BCL11B: variants seen among roughly 807,000 people sequenced by gnomAD.
BCL11B encodes B-cell lymphoma/leukemia 11B.
Under a neutral mutation model 49.9 loss-of-function variants are expected in BCL11B, and 8 were observed. The observed-to-expected ratio is 0.16, with a 90% confidence interval of 0.09 to 0.29. The LOEUF is 0.29. Among genes scored for constraint, BCL11B ranks in the 10% least tolerant of loss-of-function variants. The pLI is 1.00. For synonymous variants in BCL11B, 739 were observed against 637.4 expected, an observed-to-expected ratio of 1.16 and a Z score of -2.40; for missense variants, 1,006 against 1,351.0, an observed-to-expected ratio of 0.74 and a Z score of 4.00.
intron 3 of BCL11B, among the ~76,000 whole-genome samples, chr14:99,180,255 C>T (rs181661030): frequency 6.6e-6 from 1 of 152,238 alleles, no homozygotes; most frequent in Admixed American, 6.5e-5. Flanking sequence ...TACCCAGCAA[C>T]ATCAAACCTG....
chr14:99,196,296 C>T (rs1011824415), intron 3 of BCL11B, among the ~76,000 whole-genome samples: 2 of 152,092 alleles, frequency 1.3e-5, no homozygotes, highest in East Asian at 1.9e-4. Context: ...TTCCTCCACA[C>T]GAGTGAGGAC....
intron 3 of BCL11B, among the ~76,000 whole-genome samples, chr14:99,189,815 T>C (rs540817742): frequency 1.2e-4 from 18 of 152,270 alleles, no homozygotes; most frequent in African/African-American, 4.3e-4. Context: ...GCCCACACTG[T>C]GTGGGAGCAC....
At chr14:99,203,736 G>A (rs965936209) in intron 3 of BCL11B, among the ~76,000 whole-genome samples, 1 of 152,176 alleles carries the variant, frequency 6.6e-6, no homozygotes, top group Non-Finnish European at 1.5e-5. Context: ...AGAGGACGTG[G>A]TTATGAAGGG....
chr14:99,239,580 C>T (rs890502479), intron 2 of BCL11B, among the ~76,000 whole-genome samples: 22 of 152,250 alleles, frequency 1.4e-4, no homozygotes, highest in Middle Eastern at 3.4e-3. Context: ...ACATGTCACA[C>T]AAGGCAAAAA....
At position 99,231,065 on chromosome 14, in the gene BCL11B, G is replaced by C. The variant is rs929496873; in HGVS notation, c.640+280C>G. ...TTAAGTGTTATCCAATTAAGCTGTC[G>C]CTAAACAACCCAAAGAAGCGGGATT... On this transcript the variant is annotated intron_variant, in intron 3 of 3. Coordinates refer to ENST00000357195, the MANE Select transcript of BCL11B (RefSeq NM_138576.4). This position sits in a 1 kb window ranked among gnomAD's most constrained non-coding sequence, Gnocchi z 8.1. 6.6e-6 allele frequency among the ~76,000 whole-genome samples: 1 copy of C among 152,186 alleles called. No homozygotes were observed. Among genetic ancestry groups the C allele is most frequent in the Non-Finnish European group, 1.5e-5 (1 of 68,036 alleles).
chr14:99,194,228 C>G lies in BCL11B; in HGVS notation c.641-18033G>C, dbSNP rs1307811111. Among the ~76,000 whole-genome samples, 2 of 152,148 alleles carry G rather than the reference C, an allele frequency of 1.3e-5. No individual in the cohort carries two copies. Among genetic ancestry groups the G allele is most frequent in the East Asian group, 3.9e-4 (2 of 5,186 alleles). On this transcript the variant is annotated intron_variant, in intron 3 of 3. Transcript: ENST00000357195. The surrounding 1 kb of genome is among the most constrained non-coding windows in gnomAD (Gnocchi z 4.6). ...GTCCTCCCTCCTCACAGCCCCAGCA[C>G]AGAGCAAGTGCTGCTGGCCCCGGAC...
At chr14:99,216,850 T>TAC (rs754518471) in intron 3 of BCL11B, among the ~76,000 whole-genome samples, 35 of 151,788 alleles carry the variant, frequency 2.3e-4, no homozygotes, top group Admixed American at 2.0e-3. Flanking sequence ...AAAACACTCA[T>TAC]ACACACACAC....
chr14:99,207,444 G>A (rs900681140), intron 3 of BCL11B, among the ~76,000 whole-genome samples: 16 of 152,144 alleles, frequency 1.1e-4, no homozygotes, highest in African/African-American at 3.9e-4. Flanking sequence ...CCATGAAGCT[G>A]AGGGAGCTTT....
chr14:99,174,169 C>T lies in BCL11B; in HGVS notation c.2667G>A (p.Glu889=). 1.2e-6 allele frequency: 2 copies of T among 1,613,012 alleles called. No homozygotes were observed. The highest frequency in any genetic ancestry group is 3.3e-5 in the Admixed American group (2 of 60,030). Residue 889 remains glutamate, a synonymous_variant, in exon 4 of 4, where the codon GAG becomes GAA. Coordinates refer to ENST00000357195, the MANE Select transcript of BCL11B (RefSeq NM_138576.4). ...EHLLTNDVKI[E]QAERS ...CGCGCGCTTAGCTCCTCTCGGCCTG[C>T]TCGATTTTGACGTCGTTAGTCAGCA...
At position 99,174,204 on chromosome 14, in the gene BCL11B, C is replaced by T. The variant is rs758918107; in HGVS notation, c.2632G>A (p.Gly878Ser). The change falls in exon 4 of 4, where the codon GGC (glycine) becomes AGC (serine). Residue 878 changes from glycine (G) to serine (S), a missense_variant. Transcript: ENST00000357195. ...TLEKHMKKWH[G>S]EHLLTNDVKI... ...ACGTCGTTAGTCAGCAAGTGCTCGC[C>T]GTGCCACTTTTTCATGTGTTTCTCC... 3.1e-5 allele frequency: 50 copies of T among 1,613,662 alleles called. No individual in the cohort carries two copies. The highest frequency in any genetic ancestry group is 4.2e-5 in the Non-Finnish European group (49 of 1,180,020).
intron 3 of BCL11B, among the ~76,000 whole-genome samples, chr14:99,227,199 T>C (rs1437531579): frequency 6.6e-6 from 1 of 152,164 alleles, no homozygotes; most frequent in African/African-American, 2.4e-5. Flanking sequence ...AAAGCGAAGA[T>C]CCAGCTTGAA....
Position 99,175,765 on chromosome 14 carries a change from GTC to G in BCL11B, c.1069_1070del (p.Asp357LeufsTer159). ...GCCGCGAGAAGTCCATGGCGGGCGA[GTC>G]GATGGCCATGGGGTTCAGGCGCATG... Reference protein sequence around the residue: ...RVMRLNPMAIDSPAMDFSRRL... With the variant: ...RVMRLNPMAIXSPAMDFSRRL... On this transcript the variant is annotated frameshift_variant, in exon 4 of 4. Transcript: ENST00000357195. LOFTEE classifies it high-confidence loss of function. 6.8e-7 allele frequency: 1 copy of G among 1,467,184 alleles called. No individual in the cohort carries two copies. Among genetic ancestry groups the G allele is most frequent in the Non-Finnish European group, 8.9e-7 (1 of 1,123,112 alleles). 90.9% of individuals were successfully genotyped at this position (1,467,184 alleles called of 1,614,324 possible).
intron 2 of BCL11B, among the ~76,000 whole-genome samples, chr14:99,236,665 A>T (rs1473485978): frequency 6.6e-6 from 1 of 152,064 alleles, no homozygotes; most frequent in Non-Finnish European, 1.5e-5. Context: ...GTCTAAACAC[A>T]AGGAGAAGAT....
chr14:99,249,623 A>G (rs539195658), intron 2 of BCL11B, among the ~76,000 whole-genome samples: 1 of 152,354 alleles, frequency 6.6e-6, no homozygotes, highest in Non-Finnish European at 1.5e-5. Flanking sequence ...AGTGAAGAAC[A>G]TAACTGCCGG....
intron 2 of BCL11B, among the ~76,000 whole-genome samples, chr14:99,237,236 C>CTTTTTTTTTTT (rs56991081): frequency 7.5e-6 from 1 of 132,810 alleles, no homozygotes. Context: ...CTTTTTTTTT[C>CTTTTTTTTTTT]TTTTTTTTTT....
intron 2 of BCL11B, among the ~76,000 whole-genome samples, chr14:99,235,136 A>T (rs1041678330): frequency 8.5e-5 from 13 of 152,212 alleles, no homozygotes; most frequent in African/African-American, 2.9e-4. Context: ...TTCAGGGGGA[A>T]TTCGAGCCTT....
intron 1 of BCL11B, among the ~76,000 whole-genome samples, chr14:99,266,560 T>C (rs1453660191): frequency 6.6e-6 from 1 of 152,256 alleles, no homozygotes; most frequent in Non-Finnish European, 1.5e-5. Context: ...TGAAAATAGA[T>C]TTCTCAAACT....
chr14:99,246,202 G>A (rs1378052789), intron 2 of BCL11B, among the ~76,000 whole-genome samples: 1 of 152,212 alleles, frequency 6.6e-6, no homozygotes, highest in African/African-American at 2.4e-5. Flanking sequence ...AGGAAGAAAG[G>A]AGCGCGCCTT....
Position 99,171,846 on chromosome 14 carries a change from A to C in BCL11B, c.*2305T>G, listed in dbSNP as rs1178255737. 1 of 205,808 alleles carries C rather than the reference A, an allele frequency of 4.9e-6. No individual in the cohort carries two copies. Among genetic ancestry groups the C allele is most frequent in the Non-Finnish European group, 9.9e-6 (1 of 100,558 alleles). 12.7% of individuals were successfully genotyped at this position (205,808 alleles called of 1,614,324 possible). On this transcript the variant is annotated 3_prime_UTR_variant, in exon 4 of 4. Transcript: ENST00000357195. ...TTTAAATTTTACTGCAACATTTTCAAGGAAAAGAAAAGGGTATTTTTTTTC... is the reference window on the plus strand; with the variant it reads ...TTTAAATTTTACTGCAACATTTTCACGGAAAAGAAAAGGGTATTTTTTTTC...
Sources: allele counts gnomAD v4.1 joint callset (sites outside exome capture counted in the v4.1 genomes callset), GRCh38; gene constraint gnomAD v4.1.1; non-coding constraint Gnocchi (gnomAD v3.1); transcripts MANE v1.5; gene names NCBI Gene and HGNC (gene_info 2026-07-23, HGNC 2026-07-21).